The following TSPAN7 variants were observed in gnomAD, a reference collection of about 807,000 sequenced individuals.
TSPAN7 encodes tetraspanin 7, also known as tetraspanin-7.
A neutral mutation model predicts 17.6 loss-of-function variants in TSPAN7; 1 was observed. The ratio of observed to expected loss-of-function variants is 0.06; its 90% CI spans 0.02 to 0.27. The LOEUF is 0.27. Ranked by LOEUF, TSPAN7 falls within the 10% of genes least tolerant of loss-of-function variation. The pLI is 1.00. For missense variants in TSPAN7, 112 were observed against 201.7 expected (o/e 0.56, Z 2.69); for synonymous variants, 78 against 79.0 (o/e 0.99, Z 0.07).
chrX:38,663,019 T>A (rs1367538436), intron 1 of TSPAN7, among the ~76,000 whole-genome samples: 3 of 110,750 alleles, frequency 2.7e-5, no homozygotes, highest in Non-Finnish European at 5.7e-5. Flanking sequence ...AAGGTCTTTA[T>A]AAGGAGTCTT....
At chrX:38,649,037 T>G (rs576996306) in intron 1 of TSPAN7, among the ~76,000 whole-genome samples, 1 of 112,154 alleles carries the variant, frequency 8.9e-6, no homozygotes, top group East Asian at 2.8e-4. Context: ...TATTTACTTT[T>G]TAAACATTTA....
chrX:38,673,078 T>C (rs780984921), intron 3 of TSPAN7, among the ~76,000 whole-genome samples: 1 of 111,873 alleles, frequency 8.9e-6, no homozygotes, highest in Non-Finnish European at 1.9e-5. Context: ...GTAACTGGTA[T>C]CTCTATCTCT....
chrX:38,659,023 CA>C lies in TSPAN7; in HGVS notation c.82-7097del, dbSNP rs1422824393. 3.9e-4 allele frequency among the ~76,000 whole-genome samples: 36 copies of C among 92,751 alleles called. 1 individual carries two copies. In the East Asian group the frequency reaches 0.01, roughly 27 times the overall value. The allele number at this position is 92,751 out of a possible 115,157, so 80.5% of individuals were successfully genotyped here. On this transcript the variant is annotated intron_variant, in intron 1 of 7. Transcript: ENST00000378482. ...CCATACACACACACACACACACACA[CA>C]CACACACACACACACCCACAGACGT...
intron 1 of TSPAN7, among the ~76,000 whole-genome samples, chrX:38,642,373 C>T (rs1180738824): frequency 1.8e-5 from 2 of 112,094 alleles, no homozygotes; most frequent in East Asian, 5.6e-4. Flanking sequence ...ATGCTTTGCT[C>T]ATTATTGTGC....
chrX:38,576,266 G>T (rs2069193623), intron 1 of TSPAN7, among the ~76,000 whole-genome samples: 1 of 111,544 alleles, frequency 9.0e-6, no homozygotes, highest in Non-Finnish European at 1.9e-5. Context: ...TTTAATATGG[G>T]CCTATTGGAG....
At chrX:38,637,103 C>A (rs2069585539) in intron 1 of TSPAN7, among the ~76,000 whole-genome samples, 2 of 112,082 alleles carry the variant, frequency 1.8e-5, no homozygotes, top group African/African-American at 6.5e-5. Context: ...TCCTGACTTT[C>A]TGGGAGGTGT....
chrX:38,603,961 T>C (rs1163699167), intron 1 of TSPAN7, among the ~76,000 whole-genome samples: 1 of 103,517 alleles, frequency 9.7e-6, no homozygotes, highest in Non-Finnish European at 2.0e-5. Context: ...CATGCTGGTG[T>C]GCTGCACCCA....
chrX:38,649,584 C>T (rs1432194168), intron 1 of TSPAN7, among the ~76,000 whole-genome samples: 1 of 111,297 alleles, frequency 9.0e-6, no homozygotes, highest in Non-Finnish European at 1.9e-5. Flanking sequence ...CCTGGTTAGC[C>T]AACCAGGGAT....
intron 5 of TSPAN7, among the ~76,000 whole-genome samples, chrX:38,678,747 C>A (rs1345660933): frequency 8.9e-6 from 1 of 112,196 alleles, no homozygotes; most frequent in Non-Finnish European, 1.9e-5. Context: ...TTAATTAATC[C>A]TATTACTGAT....
intron 1 of TSPAN7, among the ~76,000 whole-genome samples, chrX:38,663,195 A>G (rs2069760081): frequency 9.0e-6 from 1 of 111,102 alleles, no homozygotes; most frequent in Admixed American, 9.6e-5. Context: ...ACACACACAC[A>G]CACACCATGG....
chrX:38,661,834 T>TA (rs200146691), intron 1 of TSPAN7, among the ~76,000 whole-genome samples: 42,762 of 105,252 alleles, frequency 0.41, 6,958 homozygotes, highest in Middle Eastern at 0.54. Flanking sequence ...AGAGATGTTT[T>TA]AAAAAAAAAA....
rs191264293 is a variant in TSPAN7 at position 38,573,007 on chromosome X, T to C, written c.81+11380T>C. On this transcript the variant is annotated intron_variant, in intron 1 of 7. Coordinates refer to ENST00000378482, the MANE Select transcript of TSPAN7 (RefSeq NM_004615.4). ...TTATTCTCTCTGAGCCCCAGTTTCC[T>C]CTTTAGAATTGAGGATATCTATGAT... 8.9e-5 allele frequency among the ~76,000 whole-genome samples: 10 copies of C among 111,801 alleles called. No individual in the cohort carries two copies. In the East Asian group the frequency reaches 2.8e-3, roughly 31 times the overall value.
intron 1 of TSPAN7, among the ~76,000 whole-genome samples, chrX:38,598,301 C>A (rs1041221007): frequency 5.4e-5 from 6 of 111,176 alleles, no homozygotes; most frequent in Non-Finnish European, 9.5e-5. Context: ...ATGTGGCTCC[C>A]TGGGATAAAG....
At chrX:38,616,476 A>G (rs6610164) in intron 1 of TSPAN7, among the ~76,000 whole-genome samples, 15,594 of 111,581 alleles carry the variant, frequency 0.14, 1,047 homozygotes, top group East Asian at 0.27. Context: ...GGGGTGTCCA[A>G]GGGCAAGAAT....
intron 1 of TSPAN7, among the ~76,000 whole-genome samples, chrX:38,653,906 TG>T (rs2069688731): frequency 1.8e-5 from 2 of 112,680 alleles, no homozygotes; most frequent in Admixed American, 9.4e-5. Flanking sequence ...CTAATGCTAA[TG>T]GATAGCCTTT....
At chrX:38,576,125 AAGGCTAT>A (rs2147397516) in intron 1 of TSPAN7, among the ~76,000 whole-genome samples, 1 of 112,477 alleles carries the variant, frequency 8.9e-6, no homozygotes, top group East Asian at 2.8e-4. Context: ...ATGAATGAGT[AAGGCTAT>A]AGTCCAATAA....
intron 5 of TSPAN7, among the ~76,000 whole-genome samples, chrX:38,680,608 G>A (rs1167229581): frequency 3.1e-5 from 3 of 97,803 alleles, no homozygotes; most frequent in African/African-American, 1.1e-4. Context: ...CTAGAACATA[G>A]GTTTTCCCTA....
chrX:38,585,865 C>T (rs2069255749), intron 1 of TSPAN7, among the ~76,000 whole-genome samples: 1 of 112,501 alleles, frequency 8.9e-6, no homozygotes, highest in Non-Finnish European at 1.9e-5. Context: ...CATGGGGGCT[C>T]CCCACTGCCT....
Position 38,645,905 on chromosome X carries a change from T to C in TSPAN7, c.82-20216T>C, listed in dbSNP as rs150955259. On this transcript the variant is annotated intron_variant, in intron 1 of 7. Coordinates refer to ENST00000378482, the MANE Select transcript of TSPAN7 (RefSeq NM_004615.4). ...ACATTTCCTGTTTACCAGACCTGAA[T>C]GCCTGGTTAGTATATTAGAGAAATT... Among the ~76,000 whole-genome samples, 3 of 106,293 alleles carry C rather than the reference T, an allele frequency of 2.8e-5. No individual in the cohort carries two copies. The East Asian group carries it at 9.5e-4, about 34-fold the overall frequency. The allele number at this position is 106,293 out of a possible 115,157, so 92.3% of individuals were successfully genotyped here. A position where few individuals can be genotyped will look rare whatever the true frequency, so the allele number is the denominator to read the frequency against.
Sources: allele counts gnomAD v4.1 joint callset (sites outside exome capture counted in the v4.1 genomes callset), GRCh38; gene constraint gnomAD v4.1.1; transcripts MANE v1.5; gene names NCBI Gene and HGNC (gene_info 2026-07-23, HGNC 2026-07-21).